The following RUNX1T1 variants were observed in gnomAD, a reference collection of about 807,000 sequenced individuals.
RUNX1T1 encodes the protein RUNX1 partner transcriptional co-repressor 1.
RUNX1T1 carries 4 observed loss-of-function variants against 62.8 expected under a neutral mutation model. The observed-to-expected ratio is 0.06, with a 90% CI of 0.03 to 0.15. The LOEUF (loss-of-function observed/expected upper bound fraction) is 0.15. Ranked by LOEUF, RUNX1T1 falls within the 10% of genes least tolerant of loss-of-function variation. RUNX1T1 has a pLI of 1.00. For synonymous variants in RUNX1T1, 291 were observed against 286.0 expected (o/e 1.02, Z -0.18); for missense variants, 508 against 754.3 (o/e 0.67, Z 3.82).
chr8:91,956,112 G>A (rs552386778), downstream of RUNX1T1: 197 of 230,048 alleles, frequency 8.6e-4, 2 homozygotes, highest in East Asian at 0.011. Flanking sequence ...AGGTTGGCAC[G>A]AACCTCTCTG....
chr8:92,015,578 T>C (rs893844113), intron 2 of RUNX1T1, among the ~76,000 whole-genome samples: 4 of 152,194 alleles, frequency 2.6e-5, no homozygotes, highest in African/African-American at 7.2e-5. Context: ...CCCATTAATA[T>C]GTACATTAAT....
intron 4 of RUNX1T1, chr8:92,009,543 T>A (rs900031871): frequency 2.0e-5 from 3 of 152,222 alleles, no homozygotes; most frequent in Middle Eastern, 6.8e-3. Flanking sequence ...TTTTTAAATT[T>A]TTTTTGGCTG....
intron 4 of RUNX1T1, among the ~76,000 whole-genome samples, chr8:92,008,769 ACATTT>A (rs1286181980): frequency 6.6e-6 from 1 of 152,196 alleles, no homozygotes; most frequent in Non-Finnish European, 1.5e-5. Context: ...TATAAAATGC[ACATTT>A]ATTTGGCTAT....
intron 3 of RUNX1T1, among the ~76,000 whole-genome samples, chr8:92,013,642 T>A (rs1822417266): frequency 6.6e-6 from 1 of 152,270 alleles, no homozygotes; most frequent in South Asian, 2.1e-4. Flanking sequence ...CCTTCCTAAA[T>A]ACTCGAAAAT....
At chr8:92,081,677 A>G (rs1311600193) in intron 1 of RUNX1T1, among the ~76,000 whole-genome samples, 3 of 140,222 alleles carry the variant, frequency 2.1e-5, no homozygotes, top group East Asian at 2.0e-4. Flanking sequence ...TTCCACCTGG[A>G]AAAAAAAAAA....
chr8:92,028,087 G>A (rs1432798998), intron 1 of RUNX1T1, among the ~76,000 whole-genome samples: 1 of 86,018 alleles, frequency 1.2e-5, no homozygotes, highest in Non-Finnish European at 2.1e-5. Context: ...GGGGGGGGGG[G>A]TGGGAAGGAA....
intron 9 of RUNX1T1, among the ~76,000 whole-genome samples, chr8:91,975,129 A>C (rs1220524007): frequency 6.6e-6 from 1 of 152,192 alleles, no homozygotes; most frequent in African/African-American, 2.4e-5. Flanking sequence ...TTAACTCTTG[A>C]AACAGGTTTA....
At chr8:91,995,540 C>T (rs977532893) in intron 5 of RUNX1T1, among the ~76,000 whole-genome samples, 1 of 152,154 alleles carries the variant, frequency 6.6e-6, no homozygotes, top group Non-Finnish European at 1.5e-5. Context: ...GTAGTCCTGG[C>T]ACTTTGGAAG....
chr8:92,078,969 T>C (rs1322820573), intron 1 of RUNX1T1, among the ~76,000 whole-genome samples: 1 of 152,232 alleles, frequency 6.6e-6, no homozygotes, highest in Admixed American at 6.5e-5. Context: ...CTTTCAAAAA[T>C]TTAATAGGAT....
intron 1 of RUNX1T1, among the ~76,000 whole-genome samples, chr8:92,087,282 C>T (rs745742110): frequency 2.6e-5 from 4 of 152,126 alleles, no homozygotes; most frequent in Non-Finnish European, 5.9e-5. Context: ...ATATTCAAGA[C>T]ATTTATGATC....
intron 5 of RUNX1T1, among the ~76,000 whole-genome samples, chr8:92,000,827 A>G (rs1263822515): frequency 2.0e-5 from 3 of 152,214 alleles, no homozygotes; most frequent in Non-Finnish European, 4.4e-5. Flanking sequence ...TACCCACTTG[A>G]GCAACTATAG....
At chr8:91,996,183 G>GT (rs1373355569) in intron 5 of RUNX1T1, among the ~76,000 whole-genome samples, 1 of 151,804 alleles carries the variant, frequency 6.6e-6, no homozygotes, top group Non-Finnish European at 1.5e-5. Context: ...TATTTTATTT[G>GT]TTTTTTATTT....
At chr8:92,059,794 A>G (rs1587387105) in intron 1 of RUNX1T1, among the ~76,000 whole-genome samples, 1 of 152,212 alleles carries the variant, frequency 6.6e-6, no homozygotes, top group Non-Finnish European at 1.5e-5. Context: ...CTTAAGTAAA[A>G]CCAGATTTTG....
chr8:92,081,166 C>G, intron 1 of RUNX1T1: 1 of 415,622 alleles, frequency 2.4e-6, no homozygotes, highest in Non-Finnish European at 3.2e-6. Flanking sequence ...ATTTAAATCT[C>G]CAAAGTAAGA....
At chr8:92,022,725 C>A (rs915287204) in intron 1 of RUNX1T1, among the ~76,000 whole-genome samples, 11 of 152,232 alleles carry the variant, frequency 7.2e-5, no homozygotes, top group Non-Finnish European at 1.6e-4. Flanking sequence ...GTTTAAACTA[C>A]CCAGTCTAAG....
At chr8:91,991,703 G>A in exon 6 of RUNX1T1, 1 of 1,614,102 alleles carries the variant, frequency 6.2e-7, no homozygotes, top group Non-Finnish European at 8.5e-7. Flanking sequence ...CCCTGTAGTG[G>A]TGGGCAATGG....
chr8:91,955,183 G>A (rs142976935), downstream of RUNX1T1: 55 of 215,962 alleles, frequency 2.5e-4, no homozygotes, highest in Middle Eastern at 1.5e-3. Context: ...CATACTGTTC[G>A]CGTAAACTAA....
upstream of RUNX1T1, among the ~76,000 whole-genome samples, chr8:92,067,547 T>C (rs905342540): frequency 1.2e-4 from 19 of 152,234 alleles, no homozygotes; most frequent in African/African-American, 4.1e-4. Flanking sequence ...ATAAACCAAA[T>C]AGTCTCTATG....
chr8:92,097,956 T>C (rs1190595469), intron 1 of RUNX1T1, among the ~76,000 whole-genome samples: 1 of 152,256 alleles, frequency 6.6e-6, no homozygotes, highest in African/African-American at 2.4e-5. Context: ...AAGTGGTTTC[T>C]ATAATCACAG....
Sources: gnomAD v4.1 joint callset for allele counts (sites outside exome capture counted in the v4.1 genomes callset) on GRCh38, gnomAD v4.1.1 for gene constraint, MANE v1.5 for transcripts, NCBI Gene and HGNC (gene_info 2026-07-23, HGNC 2026-07-21) for gene names.